APBB2: variants seen among roughly 807,000 people sequenced by gnomAD.
APBB2 encodes Fe65-like 1.
Under a neutral mutation model 82.5 loss-of-function variants are expected in APBB2, and 38 were observed. The observed-to-expected ratio is 0.46, with a 90% CI of 0.36 to 0.60. APBB2 has a LOEUF of 0.60. Among genes scored for constraint, APBB2 ranks in the 20% least tolerant of loss-of-function variants. The pLI is 0.00. For missense variants in APBB2, 772 were observed against 972.3 expected (o/e 0.79, Z 2.74); for synonymous variants, 341 against 368.2 (o/e 0.93, Z 0.85).
At position 40,816,165 on chromosome 4, in the gene APBB2, G is replaced by A. The variant is rs1436245169; in HGVS notation, c.2207C>T (p.Thr736Ile). 2 of 1,614,104 alleles carry A rather than the reference G, an allele frequency of 1.2e-6. No individual in the cohort carries two copies. Among genetic ancestry groups the A allele is most frequent in the Non-Finnish European group, 1.7e-6 (2 of 1,180,048 alleles). ...GGATAAGACCCCTCGTTTTACATTGGTTGTGACTCTTCTGGTTACTGAATC... is the reference window on the plus strand; with the variant it reads ...GGATAAGACCCCTCGTTTTACATTGATTGTGACTCTTCTGGTTACTGAATC... ...PADSVTRRVT[T>I]NVKRGVLSLI... Residue 736 changes from threonine to isoleucine, a missense_variant, in exon 18 of 18, where the codon ACC becomes ATC. Physicochemically the swap from Thr to Ile is moderately conservative, Grantham distance 89. Coordinates refer to ENST00000508593, the MANE Select transcript of APBB2 (RefSeq NM_004307.2).
At chr4:40,818,777 C>T (rs754621324) in intron 17 of APBB2, among the ~76,000 whole-genome samples, 4 of 152,278 alleles carry the variant, frequency 2.6e-5, no homozygotes, top group Non-Finnish European at 4.4e-5. Flanking sequence ...AAGTGTTCAA[C>T]GCCAGGCCTC....
At position 40,863,552 on chromosome 4, in the gene APBB2, C is replaced by T. The variant is rs187874760; in HGVS notation, c.1529+26812G>A. Among the ~76,000 whole-genome samples the T allele has an allele frequency of 7.2e-5, 11 of 152,254 alleles. No homozygotes were observed. The East Asian group carries it at 1.7e-3, about 24-fold the overall frequency. On this transcript the variant is annotated intron_variant, in intron 12 of 17. Transcript: ENST00000508593. ...ACGTGAATCATCTAAACCATGATCACACGGACAAATGAGCAGCATAAAAGA... is the reference window on the plus strand; with the variant it reads ...ACGTGAATCATCTAAACCATGATCATACGGACAAATGAGCAGCATAAAAGA...
Position 40,839,713 on chromosome 4 carries a change from G to A in APBB2, c.1530-9136C>T, listed in dbSNP as rs1033538949. Among the ~76,000 whole-genome samples, 5 of 151,074 alleles carry A rather than the reference G, an allele frequency of 3.3e-5. No homozygotes were observed. The South Asian group carries it at 1.0e-3, about 32-fold the overall frequency. ...GGAGTCTCGCTCTGTTGCCCAGGCT[G>A]GAGTGCAGTGGTGCCATCTCGGCTC... On this transcript the variant is annotated intron_variant, in intron 12 of 17. Coordinates refer to ENST00000508593, the MANE Select transcript of APBB2 (RefSeq NM_004307.2).
chr4:40,825,023 G>A (rs1046486590), intron 15 of APBB2, among the ~76,000 whole-genome samples: 3 of 152,176 alleles, frequency 2.0e-5, no homozygotes, highest in African/African-American at 4.8e-5. Context: ...CTTCATCCAC[G>A]CTACAGCGCA....
chr4:40,932,591 A>C (rs533960470), intron 10 of APBB2, among the ~76,000 whole-genome samples: 1 of 152,324 alleles, frequency 6.6e-6, no homozygotes, highest in Non-Finnish European at 1.5e-5. Flanking sequence ...TTTGGGATTC[A>C]GAACAAATAA....
chr4:40,873,473 G>A (rs992887950), intron 12 of APBB2, among the ~76,000 whole-genome samples: 4 of 152,160 alleles, frequency 2.6e-5, no homozygotes, highest in Admixed American at 6.5e-5. Context: ...TAAGCTCAAC[G>A]CTGTACAGAG....
chr4:41,136,771 GCATTTCA>G (rs1757696555), intron 2 of APBB2, among the ~76,000 whole-genome samples: 1 of 152,114 alleles, frequency 6.6e-6, no homozygotes. Flanking sequence ...AAATGTCTCT[GCATTTCA>G]CCAAGACTTA....
intron 5 of APBB2, among the ~76,000 whole-genome samples, chr4:41,032,527 C>A (rs1036094137): frequency 1.3e-5 from 2 of 151,866 alleles, no homozygotes; most frequent in African/African-American, 4.8e-5. Flanking sequence ...TCTGTCTAAG[C>A]AAACTCTACA....
In APBB2 at chr4:41,178,358, A is replaced by G. The variant is rs551962052; in HGVS notation, c.-416-35216T>C. Among the ~76,000 whole-genome samples, 4 of 152,300 alleles carry G rather than the reference A, an allele frequency of 2.6e-5. No homozygotes were observed. The South Asian group carries it at 8.3e-4, about 32-fold the overall frequency. On this transcript the variant is annotated intron_variant, in intron 1 of 17. Transcript: ENST00000508593. ...TACTAAGGATCTTTAAAATCTCTACATACATCTACAGGAGAAGCCTCAAAC... is the reference window on the plus strand; with the variant it reads ...TACTAAGGATCTTTAAAATCTCTACGTACATCTACAGGAGAAGCCTCAAAC...
chr4:40,943,612 C>T (rs1787601873), intron 7 of APBB2, among the ~76,000 whole-genome samples: 2 of 152,164 alleles, frequency 1.3e-5, no homozygotes, highest in African/African-American at 4.8e-5. Flanking sequence ...ATCTTTATCC[C>T]CCAGCACACC....
intron 12 of APBB2, among the ~76,000 whole-genome samples, chr4:40,877,033 G>A (rs756975131): frequency 5.9e-5 from 9 of 152,230 alleles, no homozygotes; most frequent in Non-Finnish European, 1.2e-4. Flanking sequence ...AGCAGGGTCG[G>A]GGGCTCCCAC....
At chr4:41,033,584 T>TCACACACACACACACACACACA (rs71915197) in intron 4 of APBB2, among the ~76,000 whole-genome samples, 1 of 130,772 alleles carries the variant, frequency 7.6e-6, no homozygotes, top group African/African-American at 3.0e-5. Flanking sequence ...CTTTTTCTCA[T>TCACACACACACACACACACACA]CACACACACA....
intron 6 of APBB2, among the ~76,000 whole-genome samples, chr4:40,961,667 T>TAAAAAAAA (rs60942744): frequency 7.3e-5 from 5 of 68,246 alleles, no homozygotes; most frequent in Admixed American, 2.2e-4. Flanking sequence ...AAAAAAGATG[T>TAAAAAAAA]AAAAAAAAAA....
At chr4:41,122,651 G>C (rs1753192501) in intron 2 of APBB2, among the ~76,000 whole-genome samples, 1 of 152,086 alleles carries the variant, frequency 6.6e-6, no homozygotes, top group Admixed American at 6.6e-5. Context: ...TGTTGTGGCT[G>C]GTGAACTGAA....
intron 6 of APBB2, among the ~76,000 whole-genome samples, chr4:40,963,362 T>A (rs1793793268): frequency 6.6e-6 from 1 of 152,110 alleles, no homozygotes; most frequent in African/African-American, 2.4e-5. Flanking sequence ...TCTTCCCACC[T>A]CAGCTTCCTG....
intron 1 of APBB2, among the ~76,000 whole-genome samples, chr4:41,164,337 C>G (rs1427228420): frequency 6.6e-6 from 1 of 152,164 alleles, no homozygotes; most frequent in East Asian, 1.9e-4. Flanking sequence ...TCACCTTGTA[C>G]ACTGAGATAA....
chr4:41,151,664 G>A (rs1018168948), intron 1 of APBB2, among the ~76,000 whole-genome samples: 2 of 152,022 alleles, frequency 1.3e-5, no homozygotes, highest in African/African-American at 2.4e-5. Context: ...TTAGCGTTTT[G>A]AAGATATTTT....
chr4:40,842,576 C>T (rs1241671736), intron 12 of APBB2: 1 of 216,264 alleles, frequency 4.6e-6, no homozygotes. Flanking sequence ...TTTTGAGCCA[C>T]ATTATGATGA....
rs141437304 is a variant in APBB2, at chr4:40,850,014, G to A, written c.1530-19437C>T. 3.6e-4 allele frequency among the ~76,000 whole-genome samples: 55 copies of A among 152,238 alleles called. No homozygotes were observed. The East Asian group carries it at 4.8e-3, about 13-fold the overall frequency. On this transcript the variant is annotated intron_variant, in intron 12 of 17. Coordinates refer to ENST00000508593, the MANE Select transcript of APBB2 (RefSeq NM_004307.2). ...GCTGGGATTACAGGCGTGAGCCACC[G>A]TGCCCTGCTACTCAGGTTACTTTTT...
Sources: allele counts gnomAD v4.1 joint callset (sites outside exome capture counted in the v4.1 genomes callset), GRCh38; gene constraint gnomAD v4.1.1; transcripts MANE v1.5; gene names NCBI Gene and HGNC (gene_info 2026-07-23, HGNC 2026-07-21).